Variants in COL25A1 observed in about 807,000 individuals in gnomAD.
The protein encoded by COL25A1 is collagen alpha-1(XXV) chain.
In COL25A1, 103 loss-of-function variants were observed where a neutral mutation model predicts 128.4. The ratio of observed to expected loss-of-function variants is 0.80; its 90% confidence interval spans 0.68 to 0.94. The LOEUF is 0.94. Among genes scored for constraint, COL25A1 ranks in the 40% least tolerant of loss-of-function variants. The probability of loss-of-function intolerance (pLI) is 0.00; values close to 1 mark genes in which losing one functional copy is unlikely to be tolerated. For missense variants in COL25A1, 745 were observed against 840.0 expected, an observed-to-expected ratio of 0.89 and a Z score of 1.40; for synonymous variants, 279 against 277.2, an observed-to-expected ratio of 1.01 and a Z score of -0.06.
At chr4:108,861,112 A>T in intron 22 of COL25A1, 141 bp from the exon 23 acceptor site, 1 of 671,784 alleles carries the variant, frequency 1.5e-6, no homozygotes, top group Non-Finnish European at 2.6e-6. Context: ...CCACCAAAAT[A>T]GCAAATGCTT....
intron 3 of COL25A1, among the ~76,000 whole-genome samples, chr4:109,150,108 C>T (rs1276657702): frequency 2.0e-5 from 3 of 151,546 alleles, no homozygotes; most frequent in Non-Finnish European, 3.0e-5. Flanking sequence ...TGTGTGTGAA[C>T]ATGTGATAGT....
At chr4:108,916,444 G>T (rs1428932423) in intron 13 of COL25A1, among the ~76,000 whole-genome samples, 1 of 152,168 alleles carries the variant, frequency 6.6e-6, no homozygotes, top group Non-Finnish European at 1.5e-5. Flanking sequence ...GTCTTTGAAA[G>T]AGTGTATGTG....
intron 8 of COL25A1, among the ~76,000 whole-genome samples, chr4:108,970,841 TGTCCTTCAG>T (rs1315946800): frequency 6.6e-6 from 1 of 152,146 alleles, no homozygotes; most frequent in Non-Finnish European, 1.5e-5. Context: ...CTTAACATAA[TGTCCTTCAG>T]GTTCATCCAT....
chr4:109,015,100 T>A lies in COL25A1; in HGVS notation c.421-4725A>T, dbSNP rs375979463. On this transcript the variant is annotated intron_variant, in intron 5 of 37. Transcript: ENST00000399132. ...TGGTATCTGCTCTGAGCAGGAGCCA[T>A]GGAATAGAGGGAGAGCAGGAGAGTG... Among the ~76,000 whole-genome samples, 20 of 152,248 alleles carry A rather than the reference T, an allele frequency of 1.3e-4. No individual in the cohort carries two copies. The South Asian group carries it at 3.9e-3, about 30-fold the overall frequency.
At position 109,290,532 on chromosome 4, in the gene COL25A1, A is replaced by G. The variant is rs116706809; in HGVS notation, c.367+10051T>C. ...ATGCTTAACATGTATGGTAGTACTA[A>G]GTCACACTTGTCAGACTTGCTGCTT... On this transcript the variant is annotated intron_variant, in intron 3 of 37. Transcript: ENST00000399132. Among the ~76,000 whole-genome samples, 617 of 152,250 alleles carry G rather than the reference A, an allele frequency of 4.1e-3. 6 individuals carry two copies. The highest frequency in any genetic ancestry group is 0.014 in the African/African-American group (579 of 41,574).
At chr4:108,869,201 T>TAAATAAAC in intron 19 of COL25A1, 51 bp from the exon 20 acceptor site, 1 of 749,692 alleles carries the variant, frequency 1.3e-6, no homozygotes, top group Non-Finnish European at 2.0e-6. Context: ...AATAAATAAA[T>TAAATAAAC]AAATAAATAA....
At position 108,865,999 on chromosome 4, in the gene COL25A1, A is replaced by G. The variant is rs555768716; in HGVS notation, c.1084-2612T>C. ...CTCTCTGAAATTATATTATTTGTCTACTTCTTTCCCTCCTTCCATCTCTTC... is the reference window on the plus strand; with the variant it reads ...CTCTCTGAAATTATATTATTTGTCTGCTTCTTTCCCTCCTTCCATCTCTTC... On this transcript the variant is annotated intron_variant, in intron 20 of 37. Coordinates refer to ENST00000399132, the MANE Select transcript of COL25A1 (RefSeq NM_198721.4). Among the ~76,000 whole-genome samples the G allele has an allele frequency of 2.9e-4, 44 of 152,218 alleles. No homozygotes were observed. The South Asian group carries it at 8.7e-3, about 30-fold the overall frequency.
intron 20 of COL25A1, among the ~76,000 whole-genome samples, chr4:108,865,206 T>C (rs1482511642): frequency 6.6e-6 from 1 of 152,220 alleles, no homozygotes; most frequent in Non-Finnish European, 1.5e-5. Flanking sequence ...GACATATTTA[T>C]GGATGAAAGA....
At chr4:109,253,933 A>G (rs1417995688) in intron 3 of COL25A1, among the ~76,000 whole-genome samples, 3 of 151,950 alleles carry the variant, frequency 2.0e-5, no homozygotes, top group Admixed American at 1.3e-4. Flanking sequence ...TAAAAATACA[A>G]AAAATTATCC....
intron 31 of COL25A1, among the ~76,000 whole-genome samples, chr4:108,832,973 T>TAATAAATAAATAAATAAATAAATAAATA (rs67907672): frequency 1.1e-3 from 116 of 106,160 alleles, no homozygotes; most frequent in East Asian, 2.4e-3. Flanking sequence ...TCTCAAAAAA[T>TAATAAATAAATAAATAAATAAATAAATA]AATAAATAAA....
chr4:108,810,547 A>G lies in COL25A1; in HGVS notation c.*3380T>C, dbSNP rs994908688. The G allele has an allele frequency of 2.0e-5, 3 of 151,996 alleles. No homozygotes were observed. The highest frequency in any genetic ancestry group is 7.2e-5 in the African/African-American group (3 of 41,450). The allele number at this position is 151,996 out of a possible 1,614,324, so 9.4% of individuals were successfully genotyped here. On this transcript the variant is annotated 3_prime_UTR_variant, in exon 38 of 38. Transcript: ENST00000399132. Reference sequence around the variant, plus strand: ...CAAAAACTGAAAGAAAAAATTAGGTATATTTGTGCACTAGGTACTCTATAC... The same window carrying G: ...CAAAAACTGAAAGAAAAAATTAGGTGTATTTGTGCACTAGGTACTCTATAC...
At chr4:108,949,306 T>C (rs1389606402) in intron 8 of COL25A1, among the ~76,000 whole-genome samples, 1 of 152,202 alleles carries the variant, frequency 6.6e-6, no homozygotes, top group Non-Finnish European at 1.5e-5. Flanking sequence ...ATGGCATTAA[T>C]AGTGGTAAAG....
At chr4:109,211,949 AATTCCAGGCCCTTT>A (rs1777597932) in intron 3 of COL25A1, among the ~76,000 whole-genome samples, 1 of 152,146 alleles carries the variant, frequency 6.6e-6, no homozygotes, top group African/African-American at 2.4e-5. Context: ...CTGTATTTTG[AATTCCAGGCCCTTT>A]ATTTCCTGAT....
At chr4:109,137,752 C>G (rs1769935598) in intron 3 of COL25A1, among the ~76,000 whole-genome samples, 2 of 152,072 alleles carry the variant, frequency 1.3e-5, no homozygotes, top group Admixed American at 6.5e-5. Context: ...GGTACAGGAA[C>G]CCAAATTTAG....
At chr4:108,937,988 G>C (rs1747639913) in intron 10 of COL25A1, 145 bp from the exon 11 acceptor site, 1 of 597,992 alleles carries the variant, frequency 1.7e-6, no homozygotes, top group Admixed American at 3.5e-5. Flanking sequence ...CATTAAAAGA[G>C]AGCTAATTTC....
intron 3 of COL25A1, among the ~76,000 whole-genome samples, chr4:109,267,905 T>C (rs1781897844): frequency 6.6e-6 from 1 of 152,220 alleles, no homozygotes; most frequent in Non-Finnish European, 1.5e-5. Context: ...CATCTGACGT[T>C]TGGATCTAGT....
chr4:109,014,342 A>C (rs1757005087), intron 5 of COL25A1, among the ~76,000 whole-genome samples: 1 of 152,210 alleles, frequency 6.6e-6, no homozygotes, highest in Admixed American at 6.5e-5. Flanking sequence ...ATTTTATAGA[A>C]TCCCAGAATA....
intron 8 of COL25A1, among the ~76,000 whole-genome samples, chr4:108,962,894 T>C (rs1750886153): frequency 6.6e-6 from 1 of 152,220 alleles, no homozygotes; most frequent in South Asian, 2.1e-4. Context: ...AAAGTCACTG[T>C]AGAATTACAT....
intron 8 of COL25A1, among the ~76,000 whole-genome samples, chr4:108,946,997 C>T (rs1252835199): frequency 6.6e-6 from 1 of 152,008 alleles, no homozygotes; most frequent in African/African-American, 2.4e-5. Flanking sequence ...AGGTCTGTAG[C>T]TTGGACAATG....
Sources: gnomAD v4.1 joint callset for allele counts (sites outside exome capture counted in the v4.1 genomes callset) on GRCh38, gnomAD v4.1.1 for gene constraint, MANE v1.5 for transcripts, NCBI Gene and HGNC (gene_info 2026-07-23, HGNC 2026-07-21) for gene names.